The following DTNB variants were observed in gnomAD, a reference collection of about 807,000 sequenced individuals.
DTNB encodes dystrobrevin beta, also known as DTN-B.
In DTNB, 63 loss-of-function variants were observed where a neutral mutation model predicts 90.7. That is an observed-to-expected ratio of 0.69 (90% confidence interval 0.57 to 0.86). The LOEUF (loss-of-function observed/expected upper bound fraction) is 0.86, where lower values mean the gene tolerates loss of function less well. Ranked by LOEUF, DTNB falls within the 40% of genes least tolerant of loss-of-function variation. The pLI is 0.00. For missense variants in DTNB, 744 were observed against 807.1 expected, an observed-to-expected ratio of 0.92 and a Z score of 0.95; for synonymous variants, 277 against 286.7, an observed-to-expected ratio of 0.97 and a Z score of 0.34.
At chr2:25,633,548 C>T (rs1366770471) in intron 3 of DTNB, among the ~76,000 whole-genome samples, 1 of 152,080 alleles carries the variant, frequency 6.6e-6, no homozygotes, top group Admixed American at 6.5e-5. Context: ...CCTTGGCCCC[C>T]CAAAGTGCCA....
intron 10 of DTNB, among the ~76,000 whole-genome samples, chr2:25,472,110 C>T (rs1321781831): frequency 1.3e-5 from 2 of 152,132 alleles, no homozygotes; most frequent in African/African-American, 2.4e-5. Context: ...TTTTGAGAGA[C>T]GGAATTTGTT....
intron 6 of DTNB, among the ~76,000 whole-genome samples, chr2:25,592,268 G>T (rs977349312): frequency 6.6e-6 from 1 of 151,898 alleles, no homozygotes; most frequent in African/African-American, 2.4e-5. Context: ...GGGCTAGTAT[G>T]AATATAGTTG....
chr2:25,587,624 C>A (rs912849684), intron 6 of DTNB, among the ~76,000 whole-genome samples: 21 of 152,250 alleles, frequency 1.4e-4, no homozygotes, highest in Admixed American at 8.5e-4. Context: ...ATGTGGACAG[C>A]AAGTACTGCT....
chr2:25,662,330 T>C (rs772141576), intron 1 of DTNB, among the ~76,000 whole-genome samples: 5 of 152,162 alleles, frequency 3.3e-5, no homozygotes, highest in Non-Finnish European at 5.9e-5. Flanking sequence ...AATAAAATTA[T>C]AGTATAGTCA....
At chr2:25,571,103 G>A (rs1041256685) in intron 8 of DTNB, among the ~76,000 whole-genome samples, 2 of 152,152 alleles carry the variant, frequency 1.3e-5, no homozygotes, top group African/African-American at 4.8e-5. Flanking sequence ...TCTATGCTCA[G>A]GACAAAATCT....
At chr2:25,471,406 C>T (rs11891613) in intron 10 of DTNB, among the ~76,000 whole-genome samples, 1,608 of 148,636 alleles carry the variant, frequency 0.011, 25 homozygotes, top group African/African-American at 0.037. Context: ...TTTTTTTTCC[C>T]GAGACGGAGT....
intron 3 of DTNB, among the ~76,000 whole-genome samples, chr2:25,634,097 C>A (rs1293104062): frequency 1.3e-5 from 2 of 150,678 alleles, no homozygotes; most frequent in Non-Finnish European, 3.0e-5. Flanking sequence ...CCGCCCCGTC[C>A]GGGAGGGAGG....
At chr2:25,654,059 G>GC (rs1471868277) in intron 1 of DTNB, among the ~76,000 whole-genome samples, 1 of 151,998 alleles carries the variant, frequency 6.6e-6, no homozygotes, top group Non-Finnish European at 1.5e-5. Context: ...TAGATATAAT[G>GC]CCCATTTTAC....
At chr2:25,467,946 T>C (rs577323145) in intron 10 of DTNB, among the ~76,000 whole-genome samples, 1 of 152,184 alleles carries the variant, frequency 6.6e-6, no homozygotes, top group East Asian at 1.9e-4. Context: ...ATACACATGG[T>C]ATACACAAGG....
chr2:25,407,144 C>A (rs771315808), intron 16 of DTNB, among the ~76,000 whole-genome samples: 1 of 152,054 alleles, frequency 6.6e-6, no homozygotes, highest in African/African-American at 2.4e-5. Context: ...AGAAGATATA[C>A]AAATGGCCAA....
Position 25,474,686 on chromosome 2 carries a change from G to T in DTNB, c.1079+8110C>A, listed in dbSNP as rs1574915635. ...GTTTTATTGTGCTTTGCTTTATCAT[G>T]CTTCACAGATACTGTGCTTTTTACA... On this transcript the variant is annotated intron_variant, in intron 10 of 20. Coordinates refer to ENST00000406818, the MANE Select transcript of DTNB (RefSeq NM_021907.5). 2.0e-5 allele frequency among the ~76,000 whole-genome samples: 3 copies of T among 152,248 alleles called. No individual in the cohort carries two copies. In the East Asian group the frequency reaches 5.8e-4, roughly 29 times the overall value.
intron 5 of DTNB, 163 bp from the exon 6 acceptor site, chr2:25,596,403 A>ACC (rs2064649147): frequency 1.3e-6 from 1 of 742,460 alleles, no homozygotes; most frequent in Non-Finnish European, 2.0e-6. Flanking sequence ...CCTTATTAAC[A>ACC]CTGTGTGGCT....
At chr2:25,608,514 A>G (rs1437985935) in intron 4 of DTNB, among the ~76,000 whole-genome samples, 1 of 152,258 alleles carries the variant, frequency 6.6e-6, no homozygotes, top group East Asian at 1.9e-4. Flanking sequence ...TGTTCTTCAG[A>G]AATAAAGATA....
chr2:25,427,648 G>A lies in DTNB; in HGVS notation c.1458-17C>T. 1 of 1,610,316 alleles carries A rather than the reference G, an allele frequency of 6.2e-7. No individual in the cohort carries two copies. The highest frequency in any genetic ancestry group is 8.5e-7 in the Non-Finnish European group (1 of 1,179,202). ...TTCCTTTGCCTATCCAAGACGAGAA[G>A]CCTATCAGATAAAGAGACCCTCAAA... On this transcript the variant is annotated splice_polypyrimidine_tract_variant and intron_variant, in intron 14 of 20. Coordinates refer to ENST00000406818, the MANE Select transcript of DTNB (RefSeq NM_021907.5).
At chr2:25,427,921 G>T in intron 14 of DTNB, 1 of 210,280 alleles carries the variant, frequency 4.8e-6, no homozygotes, top group Non-Finnish European at 9.4e-6. Flanking sequence ...GAAAATCAAT[G>T]CCTTTTGAAA....
rs556317966 is a variant in DTNB at position 25,565,660 on chromosome 2, T to C, written c.876+11178A>G. ...TTTTGGGTTTTGTCAAATTCCTTTT[T>C]CATATTTATTGAGATGATCTTATTT... On this transcript the variant is annotated intron_variant, in intron 8 of 20. Transcript: ENST00000406818. Among the ~76,000 whole-genome samples, 7 of 152,278 alleles carry C rather than the reference T, an allele frequency of 4.6e-5. No individual in the cohort carries two copies. The South Asian group carries it at 1.4e-3, about 32-fold the overall frequency.
At chr2:25,514,679 A>T (rs2074674993) in intron 9 of DTNB, among the ~76,000 whole-genome samples, 1 of 147,226 alleles carries the variant, frequency 6.8e-6, no homozygotes, top group South Asian at 2.1e-4. Flanking sequence ...TTTGAAAAAA[A>T]TCTTTTTTTT....
At chr2:25,427,006 T>C (rs1368364621) in intron 15 of DTNB, among the ~76,000 whole-genome samples, 1 of 151,888 alleles carries the variant, frequency 6.6e-6, no homozygotes, top group African/African-American at 2.4e-5. Context: ...CAAAACCCCA[T>C]CTCTACCAAA....
At chr2:25,434,823 T>A (rs2055160419) in intron 12 of DTNB, among the ~76,000 whole-genome samples, 1 of 152,196 alleles carries the variant, frequency 6.6e-6, no homozygotes, top group East Asian at 1.9e-4. Flanking sequence ...ACAATTGCAT[T>A]AATAATAAAT....
Sources: allele counts gnomAD v4.1 joint callset (sites outside exome capture counted in the v4.1 genomes callset), GRCh38; gene constraint gnomAD v4.1.1; transcripts MANE v1.5; gene names NCBI Gene and HGNC (gene_info 2026-07-23, HGNC 2026-07-21).